Variants in MBD5 observed in about 807,000 individuals in gnomAD.
MBD5 encodes the protein methyl-CpG-binding domain protein 5.
A neutral mutation model predicts 117.3 loss-of-function variants in MBD5; 13 were observed. The observed-to-expected ratio is 0.11, with a 90% CI of 0.07 to 0.18. MBD5 has a LOEUF of 0.18. MBD5 is among the 10% of genes least tolerant of loss of function. The pLI, the probability that MBD5 is intolerant of heterozygous loss-of-function variation, is 1.00. For missense variants in MBD5, 1,879 were observed against 2,093.8 expected (o/e 0.90, Z 2.00); for synonymous variants, 727 against 766.4 (o/e 0.95, Z 0.85).
chr2:148,177,731 C>T (rs2105835021), intron 1 of MBD5, among the ~76,000 whole-genome samples: 1 of 152,140 alleles, frequency 6.6e-6, no homozygotes, highest in South Asian at 2.1e-4. Context: ...CTAATTAAAC[C>T]ATAATATGTA....
At chr2:148,472,178 A>G (rs1680818743) in intron 8 of MBD5, 1 of 152,004 alleles carries the variant, frequency 6.6e-6, no homozygotes, top group Non-Finnish European at 1.5e-5. Context: ...CTTATTTAAT[A>G]CTGTTTTGGT....
intron 1 of MBD5, among the ~76,000 whole-genome samples, chr2:148,059,399 C>T (rs1694964625): frequency 6.6e-6 from 1 of 151,914 alleles, no homozygotes; most frequent in Non-Finnish European, 1.5e-5. Context: ...TTGCGGTTAC[C>T]GTTACTGTTA....
chr2:148,227,027 G>A (rs973860820), intron 2 of MBD5, among the ~76,000 whole-genome samples: 6 of 152,180 alleles, frequency 3.9e-5, no homozygotes, highest in Admixed American at 3.9e-4. Context: ...TTTGTCAGAT[G>A]AGTAGGTTGC....
chr2:148,385,764 G>A (rs956237941), intron 4 of MBD5, among the ~76,000 whole-genome samples: 1 of 124,204 alleles, frequency 8.1e-6, no homozygotes, highest in Non-Finnish European at 1.7e-5. Context: ...TATACACCAT[G>A]GAATACTATG....
At chr2:148,490,870 T>G in intron 11 of MBD5, 1 of 461,364 alleles carries the variant, frequency 2.2e-6, no homozygotes, top group African/African-American at 2.0e-5. Flanking sequence ...TTTAGTCAAC[T>G]CTGCCTTCCC....
At chr2:148,340,412 G>A (rs1702907098) in intron 3 of MBD5, among the ~76,000 whole-genome samples, 1 of 152,102 alleles carries the variant, frequency 6.6e-6, no homozygotes, top group African/African-American at 2.4e-5. Context: ...CTCAAGGTAT[G>A]ATATCATGTA....
chr2:148,091,461 C>T (rs776816566), intron 1 of MBD5, among the ~76,000 whole-genome samples: 4 of 151,984 alleles, frequency 2.6e-5, no homozygotes, highest in East Asian at 3.9e-4. Context: ...CAAATAGGCA[C>T]GTAGACCAAT....
intron 1 of MBD5, among the ~76,000 whole-genome samples, chr2:148,093,502 A>G (rs1695992171): frequency 6.6e-6 from 1 of 152,206 alleles, no homozygotes; most frequent in Non-Finnish European, 1.5e-5. Flanking sequence ...GGTCAAAAGC[A>G]AGTAAAAATT....
At chr2:148,143,941 G>A (rs1477809403) in intron 1 of MBD5, among the ~76,000 whole-genome samples, 4 of 152,086 alleles carry the variant, frequency 2.6e-5, no homozygotes, top group African/African-American at 9.7e-5. Context: ...ATAGCAGCAT[G>A]ATTTATAATC....
intron 3 of MBD5, among the ~76,000 whole-genome samples, chr2:148,330,117 A>ACACACACACACT (rs1247250428): frequency 7.5e-6 from 1 of 133,526 alleles, no homozygotes; most frequent in Non-Finnish European, 1.6e-5. Context: ...ACACACACAC[A>ACACACACACACT]CTCTACCTTA....
intron 2 of MBD5, among the ~76,000 whole-genome samples, chr2:148,223,463 G>T (rs1306820264): frequency 6.6e-6 from 1 of 151,940 alleles, no homozygotes; most frequent in Non-Finnish European, 1.5e-5. Flanking sequence ...TCAGGTTTTG[G>T]ATTTCTTCAT....
intron 3 of MBD5, among the ~76,000 whole-genome samples, chr2:148,251,143 AG>A (rs897723192): frequency 2.0e-5 from 3 of 152,182 alleles, no homozygotes; most frequent in African/African-American, 7.2e-5. Flanking sequence ...TGCAAAAGGC[AG>A]GAGTGCCTGA....
chr2:148,427,397 C>A lies in MBD5; in HGVS notation c.-556-30806C>A, dbSNP rs371237755. Among the ~76,000 whole-genome samples, 7 of 152,294 alleles carry A rather than the reference C, an allele frequency of 4.6e-5. No individual in the cohort carries two copies. In the South Asian group the frequency reaches 8.3e-4, roughly 18 times the overall value. On this transcript the variant is annotated intron_variant, in intron 4 of 13. Transcript: ENST00000642680. ...ATTCACAATAGCAAAGACTTGGAAC[C>A]AACCCAAATGTCCAACAATGATAGA...
chr2:148,052,553 C>T lies in MBD5; in HGVS notation c.-925+30869C>T, dbSNP rs146685293. ...GGCATTTACAGCTATAAATTTCCCT[C>T]TTAGCACTGCTTTTTCTGCATACTA... On this transcript the variant is annotated intron_variant, in intron 1 of 13. Transcript: ENST00000642680. Among the ~76,000 whole-genome samples the T allele has an allele frequency of 3.2e-3, 490 of 151,568 alleles. 3 individuals are homozygous for T. The highest frequency in any genetic ancestry group is 5.8e-3 in the Non-Finnish European group (394 of 67,908).
rs73965444 is a variant in MBD5, at chr2:148,500,919, A to G, written c.4963-1517A>G. Among the ~76,000 whole-genome samples, 249 of 152,304 alleles carry G rather than the reference A, an allele frequency of 1.6e-3. 2 individuals carry two copies. Among genetic ancestry groups the G allele is most frequent in the African/African-American group, 5.9e-3 (245 of 41,578 alleles). On this transcript the variant is annotated intron_variant, in intron 11 of 13. Transcript: ENST00000642680. ...GTGCTTCCAGGCATCTTTTTTTTTA[A>G]ACAACACATGGATACATTTAGCTCA...
chr2:148,258,240 T>C (rs1166578352), intron 3 of MBD5, among the ~76,000 whole-genome samples: 1 of 152,120 alleles, frequency 6.6e-6, no homozygotes, highest in East Asian at 1.9e-4. Context: ...ATGTAAAATG[T>C]CCACCCCCAG....
chr2:148,021,363 A>C lies in MBD5; in HGVS notation c.-1246A>C. ...ACGACTCCTACCCCCTCACCCCTCCAACTCGCCTCCCTCCCTCCACCCTCC... is the reference window on the plus strand; with the variant it reads ...ACGACTCCTACCCCCTCACCCCTCCCACTCGCCTCCCTCCCTCCACCCTCC... On this transcript the variant is annotated 5_prime_UTR_variant, in exon 1 of 14. Transcript: ENST00000642680. 2.5e-6 allele frequency: 1 copy of C among 396,560 alleles called. No homozygotes were observed. The allele number at this position is 396,560 out of a possible 1,614,324, so 24.6% of individuals were successfully genotyped here. A position where few individuals can be genotyped will look rare whatever the true frequency, so the allele number is the denominator to read the frequency against.
chr2:148,378,033 G>A (rs1704038793), intron 4 of MBD5, among the ~76,000 whole-genome samples: 1 of 152,098 alleles, frequency 6.6e-6, no homozygotes, highest in African/African-American at 2.4e-5. Flanking sequence ...CTAAGATTTG[G>A]GATTGAGGCT....
intron 8 of MBD5, among the ~76,000 whole-genome samples, chr2:148,481,070 C>T (rs1165853085): frequency 6.6e-6 from 1 of 152,002 alleles, no homozygotes; most frequent in Non-Finnish European, 1.5e-5. Flanking sequence ...ACTTTTGCTT[C>T]CCTTTTTTTG....
Sources: allele counts gnomAD v4.1 joint callset (sites outside exome capture counted in the v4.1 genomes callset), GRCh38; gene constraint gnomAD v4.1.1; transcripts MANE v1.5; gene names NCBI Gene and HGNC (gene_info 2026-07-23, HGNC 2026-07-21).